The following EHD2 variants were observed in gnomAD, a reference collection of about 807,000 sequenced individuals.
The protein encoded by EHD2 is EH domain containing 2, also known as EH domain-containing protein 2.
EHD2 carries 27 observed loss-of-function variants against 41.0 expected under a neutral mutation model. The ratio of observed to expected loss-of-function variants is 0.66; its 90% CI spans 0.49 to 0.91. The LOEUF is 0.91. Among genes scored for constraint, EHD2 ranks in the 40% least tolerant of loss-of-function variants. EHD2 has a pLI of 0.00. For missense variants in EHD2, 673 were observed against 773.9 expected (o/e 0.87, Z 1.55); for synonymous variants, 342 against 341.0 (o/e 1.00, Z -0.03).
rs532471938 is a variant in EHD2 at position 47,722,198 on chromosome 19, T to A, written c.502+3592T>A. Among the ~76,000 whole-genome samples, 5 of 152,308 alleles carry A rather than the reference T, an allele frequency of 3.3e-5. No individual in the cohort carries two copies. In the South Asian group the frequency reaches 1.0e-3, roughly 32 times the overall value. On this transcript the variant is annotated intron_variant, in intron 3 of 5. Transcript: ENST00000263277. ...GCCAACAATGCCTGTTTTCGCTGGG[T>A]GAGTGCCGTTGTGGGCCCAAGGTTC...
intron 5 of EHD2, 142 bp downstream of exon 5, chr19:47,736,675 A>T (rs1966926855): frequency 3.3e-6 from 3 of 895,906 alleles, no homozygotes; most frequent in Non-Finnish European, 3.2e-6. Flanking sequence ...CCGTGGGAGC[A>T]TGGTTTTATG....
rs766323365 is a variant in EHD2, at chr19:47,718,554, C to T, written c.450C>T (p.Ser150=). 4.4e-6 allele frequency: 7 copies of T among 1,587,840 alleles called. No homozygotes were observed. In the South Asian group the frequency reaches 6.9e-5, roughly 16 times the overall value. ...QLPNQVLESI[S]IIDTPGILSG... ...CTAATCAGGTCCTGGAGAGCATCAG[C>T]ATCATCGACACCCCGGGTATCCTGT... The change falls in exon 3 of 6, where the codon AGC becomes AGT. Residue 150 remains serine, a synonymous_variant. Coordinates refer to ENST00000263277, the MANE Select transcript of EHD2 (RefSeq NM_014601.4).
At chr19:47,739,097 C>G (rs145983270) in intron 5 of EHD2, among the ~76,000 whole-genome samples, 3 of 151,800 alleles carry the variant, frequency 2.0e-5, no homozygotes, top group Non-Finnish European at 2.9e-5. Context: ...TTCTCTCCCC[C>G]CCTGCACACT....
rs750209017 is a variant in EHD2 at position 47,716,777 on chromosome 19, C to A, written c.165C>A (p.Phe55Leu). 6.2e-7 allele frequency: 1 copy of A among 1,612,304 alleles called. No individual in the cohort carries two copies. The highest frequency in any genetic ancestry group is 8.5e-7 in the Non-Finnish European group (1 of 1,179,206). ...FHSPALEDADFDGKPMVLVAG... is the reference protein window; with the variant it reads ...FHSPALEDADLDGKPMVLVAG... ...CGCCGGCCCTGGAGGACGCAGACTTCGACGGCAAGCCCATGGTGCTGGTGG... is the reference window on the plus strand; with the variant it reads ...CGCCGGCCCTGGAGGACGCAGACTTAGACGGCAAGCCCATGGTGCTGGTGG... Residue 55 changes from phenylalanine to leucine, a missense_variant, in exon 2 of 6, where the codon TTC (phenylalanine) becomes TTA (leucine). Phe to Leu is a conservative substitution (Grantham distance 22). Coordinates refer to ENST00000263277, the MANE Select transcript of EHD2 (RefSeq NM_014601.4).
chr19:47,735,591 C>G (rs1313653474), intron 4 of EHD2, among the ~76,000 whole-genome samples: 10 of 150,262 alleles, frequency 6.7e-5, no homozygotes, highest in Admixed American at 6.6e-4. Context: ...GAGCGAGACC[C>G]TGTCTCCAAA....
At chr19:47,728,851 T>A (rs1599896056) in intron 4 of EHD2, among the ~76,000 whole-genome samples, 1 of 152,242 alleles carries the variant, frequency 6.6e-6, no homozygotes, top group Non-Finnish European at 1.5e-5. Context: ...ATTACAGGCG[T>A]AAGCCACCAC....
chr19:47,731,275 A>ATATATATAT (rs1294935668), intron 4 of EHD2: 1 of 25,154 alleles, frequency 4.0e-5, no homozygotes, highest in African/African-American at 1.1e-4. Context: ...TTTAAAAAAA[A>ATATATATAT]AAAAATATAT....
At chr19:47,727,002 CAAAT>C (rs1270048423) in intron 4 of EHD2, among the ~76,000 whole-genome samples, 1 of 151,946 alleles carries the variant, frequency 6.6e-6, no homozygotes, top group African/African-American at 2.4e-5. Flanking sequence ...TATAGACAGA[CAAAT>C]ACTCATTATT....
Position 47,742,853 on chromosome 19 carries a change from G to A in EHD2, c.*1421G>A, listed in dbSNP as rs927628502. 9.8e-5 allele frequency: 15 copies of A among 152,550 alleles called. No homozygotes were observed. The highest frequency in any genetic ancestry group is 3.4e-4 in the African/African-American group (14 of 41,406). 9.4% of individuals were successfully genotyped at this position (152,550 alleles called of 1,614,324 possible). ...GGCTTTATTTTAGTCTCCTTTTCAG[G>A]GATGTCGTGGGCGGGGGAGGGGGTT... On this transcript the variant is annotated 3_prime_UTR_variant, in exon 6 of 6. Transcript: ENST00000263277.
intron 4 of EHD2, among the ~76,000 whole-genome samples, chr19:47,736,051 C>A (rs1029483539): frequency 1.3e-5 from 2 of 152,146 alleles, no homozygotes; most frequent in Non-Finnish European, 2.9e-5. Context: ...CAAAAATTAG[C>A]TGGGCATAGT....
chr19:47,734,288 T>C (rs917975506), intron 4 of EHD2, among the ~76,000 whole-genome samples: 19 of 151,822 alleles, frequency 1.3e-4, no homozygotes, highest in Admixed American at 1.2e-3. Context: ...TGAGCCGAGA[T>C]TGTGCCACTG....
chr19:47,737,973 T>C (rs7251153), intron 5 of EHD2, among the ~76,000 whole-genome samples: 94,347 of 149,798 alleles, frequency 0.63, 29,696 homozygotes, highest in South Asian at 0.7. Flanking sequence ...CTCTGCCTCC[T>C]GGGTTCAAGC....
chr19:47,715,691 A>C (rs1973617771), intron 1 of EHD2, among the ~76,000 whole-genome samples: 1 of 152,110 alleles, frequency 6.6e-6, no homozygotes, highest in African/African-American at 2.4e-5. Context: ...CGCCTTGTCC[A>C]TCTCTTGGTC....
In EHD2 at chr19:47,741,189, C is replaced by G. The variant is rs745883754; in HGVS notation, c.1389C>G (p.Ala463=). 6.2e-7 allele frequency: 1 copy of G among 1,613,998 alleles called. No individual in the cohort carries two copies. Among genetic ancestry groups the G allele is most frequent in the Non-Finnish European group, 8.5e-7 (1 of 1,180,024 alleles). Residue 463 remains alanine (A), a synonymous_variant, in exon 6 of 6, where the codon GCC becomes GCG. Transcript: ENST00000263277. This position sits in a 1 kb window ranked among gnomAD's most constrained non-coding sequence, Gnocchi z 4.5. The part of the protein sequence containing the change: ...YDEIFYNLAP[A]DGKLSGSKAK... ...AGATCTTCTACAACCTGGCGCCTGC[C>G]GACGGCAAGCTGAGCGGCTCCAAGG...
chr19:47,713,730 C>G lies in EHD2; in HGVS notation c.-56+192C>G, dbSNP rs137949983. The stretch of plus-strand genomic sequence containing the variant: ...CACTCTTCCCACTCCTCCCACTCTT[C>G]CTCCCACTCTTCCTCCAGTCTTTCG... On this transcript the variant is annotated intron_variant, in intron 1 of 5. Transcript: ENST00000263277. Among the ~76,000 whole-genome samples, 319 of 151,378 alleles carry G rather than the reference C, an allele frequency of 2.1e-3. 1 individual carries two copies. Among genetic ancestry groups the G allele is most frequent in the African/African-American group, 7.3e-3 (303 of 41,282 alleles).
At chr19:47,720,467 G>C (rs907062915) in intron 3 of EHD2, among the ~76,000 whole-genome samples, 7 of 152,076 alleles carry the variant, frequency 4.6e-5, no homozygotes, top group African/African-American at 1.7e-4. Flanking sequence ...CACCATGCCC[G>C]GCCTGCTGGA....
chr19:47,739,125 G>A (rs1345461304), intron 5 of EHD2, among the ~76,000 whole-genome samples: 1 of 151,660 alleles, frequency 6.6e-6, no homozygotes, highest in African/African-American at 2.4e-5. Context: ...TTTGAGACAG[G>A]GTCTTGCTCT....
intron 1 of EHD2, among the ~76,000 whole-genome samples, chr19:47,714,660 G>A (rs1238469967): frequency 6.6e-6 from 1 of 152,110 alleles, no homozygotes; most frequent in Non-Finnish European, 1.5e-5. Flanking sequence ...GCCTGTGTTT[G>A]AGTCCCAGCT....
intron 4 of EHD2, 84 bp from the exon 5 acceptor site, chr19:47,736,285 T>C: frequency 7.6e-7 from 1 of 1,320,796 alleles, no homozygotes; most frequent in Non-Finnish European, 1.0e-6. Context: ...AATCAGAATC[T>C]CTGGGAGTGG....
Sources: gnomAD v4.1 joint callset for allele counts (sites outside exome capture counted in the v4.1 genomes callset) on GRCh38, gnomAD v4.1.1 for gene constraint, Gnocchi (gnomAD v3.1) non-coding constraint, MANE v1.5 for transcripts, NCBI Gene and HGNC (gene_info 2026-07-23, HGNC 2026-07-21) for gene names.